Variants in PCDHGB5 observed in about 807,000 individuals in gnomAD.
PCDHGB5 encodes the protein protocadherin gamma-B5.
Under a neutral mutation model 62.9 loss-of-function variants are expected in PCDHGB5, and 48 were observed. That is an observed-to-expected ratio of 0.76 (90% CI 0.61 to 0.97). The LOEUF is 0.97. Ranked by LOEUF, PCDHGB5 falls within the 50% of genes least tolerant of loss-of-function variation. PCDHGB5 has a pLI of 0.00. For synonymous variants in PCDHGB5, 474 were observed against 511.2 expected (o/e 0.93, Z 0.98); for missense variants, 1,118 against 1,198.6 (o/e 0.93, Z 0.99).
intron 1 of PCDHGB5, chr5:141,433,179 T>C (rs760574214): frequency 1.2e-5 from 20 of 1,608,614 alleles, no homozygotes; most frequent in Admixed American, 1.7e-5. Flanking sequence ...CATGGGTTAA[T>C]TGAGGTGAGT....
chr5:141,444,900 T>C (rs997464788), intron 1 of PCDHGB5, among the ~76,000 whole-genome samples: 1 of 152,182 alleles, frequency 6.6e-6, no homozygotes, highest in Non-Finnish European at 1.5e-5. Context: ...TGGGATGGCA[T>C]TGCATCTATA....
At chr5:141,447,773 T>C (rs2098551408) in intron 1 of PCDHGB5, among the ~76,000 whole-genome samples, 1 of 152,202 alleles carries the variant, frequency 6.6e-6, no homozygotes, top group African/African-American at 2.4e-5. Context: ...AATTATACTT[T>C]AATTGAAAAT....
chr5:141,465,049 T>G (rs546927594), intron 1 of PCDHGB5, among the ~76,000 whole-genome samples: 1 of 152,016 alleles, frequency 6.6e-6, no homozygotes, highest in Non-Finnish European at 1.5e-5. Flanking sequence ...ACCCTATATA[T>G]TTTTTTGAAT....
rs61612330 is a variant in PCDHGB5 at position 141,454,796 on chromosome 5, ATTTTTTTT to A, written c.2398-39989_2398-39982del. Reference sequence around the variant, plus strand: ...AAGGAAATAATCCTCCATGGTTCTAATTTTTTTTTTTTTTTTTTTTTTTTTTTTTGAGA... The same window carrying A: ...AAGGAAATAATCCTCCATGGTTCTAATTTTTTTTTTTTTTTTTTTTTGAGA... On this transcript the variant is annotated intron_variant, in intron 1 of 3. Transcript: ENST00000617380. Among the ~76,000 whole-genome samples, 398 of 77,454 alleles carry A rather than the reference ATTTTTTTT, an allele frequency of 5.1e-3. 2 individuals are homozygous for A. The highest frequency in any genetic ancestry group is 0.021 in the African/African-American group (363 of 16,886). 50.8% of individuals were successfully genotyped at this position (77,454 alleles called of 152,430 possible).
intron 1 of PCDHGB5, among the ~76,000 whole-genome samples, chr5:141,456,919 C>T (rs2098898169): frequency 1.3e-5 from 2 of 152,124 alleles, no homozygotes; most frequent in South Asian, 4.1e-4. Context: ...GCCGAGATCG[C>T]ACCACTGCAC....
At chr5:141,467,932 TA>T (rs1391978978) in intron 1 of PCDHGB5, among the ~76,000 whole-genome samples, 4 of 152,186 alleles carry the variant, frequency 2.6e-5, no homozygotes, top group Non-Finnish European at 4.4e-5. Flanking sequence ...ATGCTAGGAT[TA>T]CAAGCATGAG....
intron 1 of PCDHGB5, chr5:141,421,399 C>T (rs777999539): frequency 1.2e-6 from 2 of 1,613,928 alleles, no homozygotes; most frequent in East Asian, 2.2e-5. Flanking sequence ...GCTGGAGCCC[C>T]GGGAGCTGGC....
At chr5:141,415,285 G>A (rs1561755891) in intron 1 of PCDHGB5, 3 of 1,614,216 alleles carry the variant, frequency 1.9e-6, no homozygotes, top group Non-Finnish European at 2.5e-6. Context: ...GGTGGCCGCG[G>A]TCTCCTGCGT....
Position 141,478,407 on chromosome 5 carries a change from C to T in PCDHGB5, c.2398-16400C>T. On this transcript the variant is annotated intron_variant, in intron 1 of 3. Coordinates refer to ENST00000617380, the MANE Select transcript of PCDHGB5 (RefSeq NM_018925.3). The stretch of plus-strand genomic sequence containing the variant: ...CTTTACCATCAGGTGTATCTCACCA[C>T]GGACTCCCGCCGCAGCGACCCGCTG... 1.9e-6 allele frequency: 3 copies of T among 1,613,272 alleles called. No individual in the cohort carries two copies. The highest frequency in any genetic ancestry group is 1.3e-5 in the African/African-American group (1 of 75,072).
chr5:141,493,289 C>T lies in PCDHGB5; in HGVS notation c.2398-1518C>T, dbSNP rs925045650. 2.6e-5 allele frequency among the ~76,000 whole-genome samples: 4 copies of T among 152,176 alleles called. No individual in the cohort carries two copies. Among genetic ancestry groups the T allele is most frequent in the Non-Finnish European group, 5.9e-5 (4 of 68,030 alleles). On this transcript the variant is annotated intron_variant, in intron 1 of 3. Coordinates refer to ENST00000617380, the MANE Select transcript of PCDHGB5 (RefSeq NM_018925.3). The surrounding 1 kb of genome is among the most constrained non-coding windows in gnomAD (Gnocchi z 4.3). ...CTTCACAGAGGTCAAGTGACTTGCT[C>T]AAGTTCACAGAGCAAGTAAGAGAGA...
intron 1 of PCDHGB5, chr5:141,408,303 G>T: frequency 1.2e-6 from 2 of 1,613,794 alleles, no homozygotes; most frequent in South Asian, 1.1e-5. Context: ...GAGCCGATCC[G>T]CTACTCGATT....
At chr5:141,406,189 C>G (rs1277183811) in intron 1 of PCDHGB5, among the ~76,000 whole-genome samples, 1 of 151,722 alleles carries the variant, frequency 6.6e-6, no homozygotes, top group Admixed American at 6.6e-5. Context: ...CCTCCCACCT[C>G]AGCCTTCACA....
At position 141,490,293 on chromosome 5, in the gene PCDHGB5, ATTG is replaced by A; in HGVS notation, c.2398-4513_2398-4511del. The A allele has an allele frequency of 1.9e-6, 3 of 1,614,190 alleles. No individual in the cohort carries two copies. Among genetic ancestry groups the A allele is most frequent in the Non-Finnish European group, 2.5e-6 (3 of 1,180,028 alleles). On this transcript the variant is annotated intron_variant, in intron 1 of 3. Coordinates refer to ENST00000617380, the MANE Select transcript of PCDHGB5 (RefSeq NM_018925.3). The surrounding 1 kb of genome is among the most constrained non-coding windows in gnomAD (Gnocchi z 5.4). ...TCAATGACAATGCCCCAGAGGTGCTATTGGCCTCTTTGGCCAACCCTGTCCTAG... is the reference window on the plus strand; with the variant it reads ...TCAATGACAATGCCCCAGAGGTGCTAGCCTCTTTGGCCAACCCTGTCCTAG...
At chr5:141,411,302 G>T (rs1165336405) in intron 1 of PCDHGB5, 1 of 152,134 alleles carries the variant, frequency 6.6e-6, no homozygotes, top group Admixed American at 6.6e-5. Context: ...AGGCCCAGTG[G>T]CTCACACCTA....
Position 141,399,994 on chromosome 5 carries a change from C to T in PCDHGB5, c.1867C>T (p.Arg623Cys), listed in dbSNP as rs538358679. 27 of 1,612,262 alleles carry T rather than the reference C, an allele frequency of 1.7e-5. No individual in the cohort carries two copies. The East Asian group carries it at 1.8e-4, about 11-fold the overall frequency. The change falls in exon 1 of 4, where the codon CGC becomes TGC. Residue 623 changes from arginine to cysteine, a missense_variant. Coordinates refer to ENST00000617380, the MANE Select transcript of PCDHGB5 (RefSeq NM_018925.3). ...CCTGGGGCTGCGCACAGGAGAGGTG[C>T]GCACAGCGCGTGCCTTGGGCGACAG... ...FSLGLRTGEVRTARALGDRDA... is the reference protein window; with the variant it reads ...FSLGLRTGEVCTARALGDRDA...
At chr5:141,502,547 C>G (rs1340258642) in intron 2 of PCDHGB5, among the ~76,000 whole-genome samples, 2 of 152,156 alleles carry the variant, frequency 1.3e-5, no homozygotes, top group East Asian at 3.8e-4. Context: ...GTGGTAAAAA[C>G]AGTGTCCCAG....
At chr5:141,405,775 G>A (rs2094716657) in intron 1 of PCDHGB5, among the ~76,000 whole-genome samples, 1 of 152,002 alleles carries the variant, frequency 6.6e-6, no homozygotes, top group African/African-American at 2.4e-5. Flanking sequence ...ACTGCGCCTG[G>A]CCCTTAACTT....
At chr5:141,450,587 A>G (rs1396203849) in intron 1 of PCDHGB5, among the ~76,000 whole-genome samples, 1 of 151,720 alleles carries the variant, frequency 6.6e-6, no homozygotes, top group East Asian at 1.9e-4. Flanking sequence ...CCCAGGTTCA[A>G]GCAATTCTCC....
intron 1 of PCDHGB5, chr5:141,409,138 A>T: frequency 6.2e-7 from 1 of 1,614,046 alleles, no homozygotes; most frequent in South Asian, 1.1e-5. Context: ...TTGAAGATGT[A>T]GAAAGGTACA....
Sources: allele counts gnomAD v4.1 joint callset (sites outside exome capture counted in the v4.1 genomes callset), GRCh38; gene constraint gnomAD v4.1.1; non-coding constraint Gnocchi (gnomAD v3.1); transcripts MANE v1.5; gene names NCBI Gene and HGNC (gene_info 2026-07-23, HGNC 2026-07-21).